Variants in COL5A1 observed in about 807,000 individuals in gnomAD.
COL5A1 encodes collagen type V alpha 1 chain.
Under a neutral mutation model 263.7 loss-of-function variants are expected in COL5A1, and 16 were observed. The ratio of observed to expected loss-of-function variants is 0.06; its 90% CI spans 0.04 to 0.09. COL5A1 has a LOEUF of 0.09. Among genes scored for constraint, COL5A1 ranks in the 10% least tolerant of loss-of-function variants. The pLI is 1.00. For synonymous variants in COL5A1, 1,012 were observed against 1,004.5 expected (o/e 1.01, Z -0.14); for missense variants, 2,036 against 2,540.5 (o/e 0.80, Z 4.27).
chr9:134,646,201 C>T (rs1033745270), intron 1 of COL5A1, among the ~76,000 whole-genome samples: 3 of 152,166 alleles, frequency 2.0e-5, no homozygotes, highest in East Asian at 1.9e-4. Context: ...TGGGACCCCT[C>T]GTTTCCTTCC....
chr9:134,825,744 G>GCAA (rs1458254655), intron 62 of COL5A1, 48 bp from the exon 63 acceptor site: 2 of 1,260,406 alleles, frequency 1.6e-6, no homozygotes, highest in Non-Finnish European at 2.3e-6. Flanking sequence ...CATCCAGGGA[G>GCAA]CAATCCTTCT....
intron 1 of COL5A1, among the ~76,000 whole-genome samples, chr9:134,655,116 T>G (rs1588407922): frequency 2.6e-5 from 3 of 116,768 alleles, no homozygotes; most frequent in Admixed American, 1.7e-4. Flanking sequence ...GGGCTGGGGG[T>G]GTGTAGGGCT....
rs1462720444 is a variant in COL5A1, at chr9:134,686,945, G to T, written c.110-3967G>T. Among the ~76,000 whole-genome samples, 1 of 152,200 alleles carries T rather than the reference G, an allele frequency of 6.6e-6. No individual in the cohort carries two copies. The highest frequency in any genetic ancestry group is 1.9e-4 in the East Asian group (1 of 5,190). On this transcript the variant is annotated intron_variant, in intron 1 of 65. Transcript: ENST00000371817. The surrounding 1 kb of genome is among the most constrained non-coding windows in gnomAD (Gnocchi z 4.6). ...ATGGGAGCAAGCCACGATGGGGAAA[G>T]GGATTGAATGCAGGGAGTCAGGTGG...
intron 62 of COL5A1, 26 bp downstream of exon 62, chr9:134,824,881 GC>G: frequency 1.9e-6 from 3 of 1,596,192 alleles, no homozygotes; most frequent in Admixed American, 1.7e-5. Flanking sequence ...GGCAGGGGTG[GC>G]CCCCCAAAGC....
In COL5A1 at chr9:134,700,892, T is replaced by C. The variant is rs1384276126; in HGVS notation, c.492-279T>C. Among the ~76,000 whole-genome samples the C allele has an allele frequency of 9.2e-5, 14 of 152,024 alleles. No homozygotes were observed. Among genetic ancestry groups the C allele is most frequent in the Admixed American group, 8.5e-4 (13 of 15,250 alleles). ...CGAGCCAGTGCCGAGTGCTGTGTGC[T>C]CCCCCTTCCCCCTTTCACTTGGGCT... is the stretch of plus-strand genomic sequence containing the variant. On this transcript the variant is annotated intron_variant, in intron 3 of 65. Coordinates refer to ENST00000371817, the MANE Select transcript of COL5A1 (RefSeq NM_000093.5). The surrounding 1 kb of genome is among the most constrained non-coding windows in gnomAD (Gnocchi z 4.0).
chr9:134,826,650 G>GTGGGTGTGTGTA (rs1564488874), intron 63 of COL5A1, among the ~76,000 whole-genome samples: 1 of 110,330 alleles, frequency 9.1e-6, no homozygotes, highest in African/African-American at 5.0e-5. Flanking sequence ...GTGGGTGCAT[G>GTGGGTGTGTGTA]TGGCTGGTGG....
chr9:134,795,970 G>A (rs542765423), intron 34 of COL5A1, among the ~76,000 whole-genome samples: 3 of 152,360 alleles, frequency 2.0e-5, no homozygotes, highest in Admixed American at 6.5e-5. Flanking sequence ...GGCACTTCTC[G>A]TGTGCCCCGT....
chr9:134,783,189 C>G (rs1243267819), intron 29 of COL5A1, among the ~76,000 whole-genome samples: 1 of 152,242 alleles, frequency 6.6e-6, no homozygotes, highest in Non-Finnish European at 1.5e-5. Context: ...TCTAGGATCC[C>G]TGTGAGCCTG....
At chr9:134,724,143 C>T (rs1588472744) in intron 4 of COL5A1, among the ~76,000 whole-genome samples, 1 of 152,104 alleles carries the variant, frequency 6.6e-6, no homozygotes, top group South Asian at 2.1e-4. Flanking sequence ...CTGCATCAGC[C>T]CCCTGCTGAC....
intron 1 of COL5A1, among the ~76,000 whole-genome samples, chr9:134,685,304 TCCA>T (rs1833000660): frequency 1.4e-5 from 2 of 142,776 alleles, no homozygotes; most frequent in African/African-American, 2.6e-5. Context: ...CATCCATCCA[TCCA>T]CCATCCATCC....
intron 18 of COL5A1, among the ~76,000 whole-genome samples, chr9:134,759,260 G>A (rs1043055731): frequency 3.5e-4 from 48 of 135,388 alleles, no homozygotes; most frequent in African/African-American, 9.1e-4. Context: ...ATGTGTGCGC[G>A]CACACACTCA....
intron 31 of COL5A1, among the ~76,000 whole-genome samples, chr9:134,786,711 C>A (rs1837471654): frequency 6.7e-6 from 1 of 149,368 alleles, no homozygotes; most frequent in Non-Finnish European, 1.5e-5. Flanking sequence ...TATTTTTTTT[C>A]AAATCTCACA....
At chr9:134,760,637 ACT>A (rs1417983094) in intron 18 of COL5A1, among the ~76,000 whole-genome samples, 1 of 95,728 alleles carries the variant, frequency 1.0e-5, no homozygotes. Context: ...ACACCCCCAC[ACT>A]CATACACTCA....
intron 11 of COL5A1, among the ~76,000 whole-genome samples, chr9:134,749,605 A>T (rs761538158): frequency 3.3e-5 from 5 of 152,152 alleles, no homozygotes; most frequent in Middle Eastern, 3.2e-3. Context: ...GGAGCGTCTC[A>T]CTCAGGTGGT....
chr9:134,799,004 G>T (rs927074163), intron 37 of COL5A1, among the ~76,000 whole-genome samples: 2 of 152,174 alleles, frequency 1.3e-5, no homozygotes, highest in Non-Finnish European at 2.9e-5. Flanking sequence ...CCAATCCAGG[G>T]GGTCTGGAGG....
In COL5A1 at chr9:134,700,806, C is replaced by T. The variant is rs1048159712; in HGVS notation, c.492-365C>T. On this transcript the variant is annotated intron_variant, in intron 3 of 65. Coordinates refer to ENST00000371817, the MANE Select transcript of COL5A1 (RefSeq NM_000093.5). This position sits in a 1 kb window ranked among gnomAD's most constrained non-coding sequence, Gnocchi z 4.0. ...ATACAACGGCCGCCGCCCTGCCATT[C>T]TCCCGATGGCTGTGACCGCACCGCA... 6.6e-6 allele frequency among the ~76,000 whole-genome samples: 1 copy of T among 152,322 alleles called. No individual in the cohort carries two copies. Among genetic ancestry groups the T allele is most frequent in the African/African-American group, 2.4e-5 (1 of 41,572 alleles).
Position 134,835,190 on chromosome 9 carries a change from G to T in COL5A1, c.5356G>T (p.Val1786Leu). The T allele has an allele frequency of 6.2e-7, 1 of 1,613,558 alleles. No homozygotes were observed. The highest frequency in any genetic ancestry group is 1.3e-5 in the African/African-American group (1 of 75,064). ...YDNNPYIRAL[V>L]DGCATKKGYQ... Reference sequence around the variant, plus strand: ...CAACAACCCCTACATCCGCGCCCTGGTGGACGGCTGTGCTGTGAGTATCCC... The same window carrying T: ...CAACAACCCCTACATCCGCGCCCTGTTGGACGGCTGTGCTGTGAGTATCCC... The change falls in exon 65 of 66, where the codon GTG (valine) becomes TTG (leucine). Residue 1786 changes from valine to leucine, a missense_variant. Coordinates refer to ENST00000371817, the MANE Select transcript of COL5A1 (RefSeq NM_000093.5).
intron 9 of COL5A1, among the ~76,000 whole-genome samples, chr9:134,737,447 C>T (rs1013143118): frequency 1.3e-5 from 2 of 152,140 alleles, no homozygotes; most frequent in Non-Finnish European, 2.9e-5. Context: ...AAAATGTGGT[C>T]CCCCAGGTCC....
chr9:134,678,586 G>T lies in COL5A1; in HGVS notation c.110-12326G>T, dbSNP rs1170378091. Among the ~76,000 whole-genome samples, 3 of 152,246 alleles carry T rather than the reference G, an allele frequency of 2.0e-5. No homozygotes were observed. Among genetic ancestry groups the T allele is most frequent in the Non-Finnish European group, 4.4e-5 (3 of 68,036 alleles). Reference sequence around the variant, plus strand: ...GCTGCTCCTCCATGGTCTCTTCAGAGCCTGTTTTTATCCTGGCTGCTGTCA... The same window carrying T: ...GCTGCTCCTCCATGGTCTCTTCAGATCCTGTTTTTATCCTGGCTGCTGTCA... On this transcript the variant is annotated intron_variant, in intron 1 of 65. Coordinates refer to ENST00000371817, the MANE Select transcript of COL5A1 (RefSeq NM_000093.5). The surrounding 1 kb of genome is among the most constrained non-coding windows in gnomAD (Gnocchi z 5.5).
Sources: allele counts gnomAD v4.1 joint callset (sites outside exome capture counted in the v4.1 genomes callset), GRCh38; gene constraint gnomAD v4.1.1; non-coding constraint Gnocchi (gnomAD v3.1); transcripts MANE v1.5; gene names NCBI Gene and HGNC (gene_info 2026-07-23, HGNC 2026-07-21).